Variants in PRKDC observed in about 807,000 individuals in gnomAD.
The protein encoded by PRKDC is protein kinase, DNA-activated, catalytic subunit, also known as DNA-dependent protein kinase catalytic subunit.
A neutral mutation model predicts 486.9 loss-of-function variants in PRKDC; 82 were observed. That is an observed-to-expected ratio of 0.17 (90% CI 0.14 to 0.20). The LOEUF is 0.20. Ranked by LOEUF, PRKDC falls within the 10% of genes least tolerant of loss-of-function variation. The pLI, the probability that PRKDC is intolerant of heterozygous loss-of-function variation, is 1.00. For missense variants in PRKDC, 4,504 were observed against 5,038.2 expected, an observed-to-expected ratio of 0.89 and a Z score of 3.21; for synonymous variants, 1,895 against 1,837.0, an observed-to-expected ratio of 1.03 and a Z score of -0.81.
At chr8:47,943,715 G>T in intron 9 of PRKDC, 138 bp downstream of exon 9, 1 of 807,820 alleles carries the variant, frequency 1.2e-6, no homozygotes, top group Non-Finnish European at 1.9e-6. Flanking sequence ...GTCACCGAAA[G>T]CCTCCCTGTA....
chr8:47,904,895 T>C lies in PRKDC; in HGVS notation c.3016A>G (p.Thr1006Ala). 1.9e-6 allele frequency: 3 copies of C among 1,612,070 alleles called. No individual in the cohort carries two copies. Among genetic ancestry groups the C allele is most frequent in the Non-Finnish European group, 2.5e-6 (3 of 1,178,256 alleles). ...AATATAGCTTCTAGTAAGGCAACAGTATCCTGACTTTCAAATTTCTTGTTG... is the reference window on the plus strand; with the variant it reads ...AATATAGCTTCTAGTAAGGCAACAGCATCCTGACTTTCAAATTTCTTGTTG... ...TNNKKFESQD[T>A]VALLEAILDG... The change falls in exon 26 of 86, where the codon ACT becomes GCT. Residue 1006 changes from threonine (T) to alanine (A), a missense_variant. By Grantham distance (58) the Thr-to-Ala change is moderately conservative. Around this residue, in one of 6 missense-constraint regions of PRKDC, gnomAD observed 1,969 missense variants for 2,068.9 expected, o/e 0.95. Transcript: ENST00000314191.
At chr8:47,939,496 C>A (rs2090405628) in intron 11 of PRKDC, 55 bp downstream of exon 11, 2 of 1,554,774 alleles carry the variant, frequency 1.3e-6, no homozygotes, top group South Asian at 1.1e-5. Flanking sequence ...GAATTAGATT[C>A]CTTTAAACAA....
At chr8:47,891,968 A>T (rs976260893) in intron 31 of PRKDC, among the ~76,000 whole-genome samples, 2 of 152,016 alleles carry the variant, frequency 1.3e-5, no homozygotes, top group Admixed American at 6.5e-5. Context: ...TCCGGGGTTC[A>T]AACAATTCTT....
At chr8:47,891,980 T>C (rs923483636) in intron 31 of PRKDC, among the ~76,000 whole-genome samples, 1 of 152,034 alleles carries the variant, frequency 6.6e-6, no homozygotes, top group Non-Finnish European at 1.5e-5. Flanking sequence ...ACAATTCTTG[T>C]GCCTCAGCCT....
intron 42 of PRKDC, 69 bp downstream of exon 42, chr8:47,863,330 A>G: frequency 7.8e-7 from 1 of 1,276,942 alleles, no homozygotes; most frequent in South Asian, 1.3e-5. Flanking sequence ...CACTATATAC[A>G]TACATAAAAA....
chr8:47,881,264 CT>C (rs912748065), intron 38 of PRKDC, among the ~76,000 whole-genome samples, 151 bp downstream of exon 38: 1 of 152,106 alleles, frequency 6.6e-6, no homozygotes, highest in Non-Finnish European at 1.5e-5. Flanking sequence ...GTTATCGAGA[CT>C]GGCTAATAAG....
intron 19 of PRKDC, among the ~76,000 whole-genome samples, chr8:47,928,882 C>T (rs995578518): frequency 6.6e-6 from 1 of 151,896 alleles, no homozygotes; most frequent in South Asian, 2.1e-4. Context: ...AGTAGAGACA[C>T]GGTTTCACTA....
chr8:47,881,620 A>T, intron 37 of PRKDC, 100 bp from the exon 38 acceptor site: 1 of 699,346 alleles, frequency 1.4e-6, no homozygotes, highest in Non-Finnish European at 2.3e-6. Flanking sequence ...TGAATTGTTA[A>T]TTTAATTTTG....
intron 50 of PRKDC, among the ~76,000 whole-genome samples, chr8:47,854,426 C>G (rs183432266): frequency 6.6e-6 from 1 of 152,136 alleles, no homozygotes; most frequent in Non-Finnish European, 1.5e-5. Context: ...GCAAGCTCTG[C>G]CCCCTGGGTT....
chr8:47,934,937 G>T (rs1346717232), intron 14 of PRKDC, 72 bp downstream of exon 14: 9 of 1,257,062 alleles, frequency 7.2e-6, no homozygotes, highest in Non-Finnish European at 9.9e-6. Context: ...AATTATATTC[G>T]AAAACCTCAG....
rs1406869532 is a variant in PRKDC at position 47,954,443 on chromosome 8, G to A, written c.403C>T (p.Leu135Phe). ...IPALDLLIKL[L>F]QTFRSSRLMD... Reference sequence around the variant, plus strand: ...AGTCTAGAACTTCTAAAAGTCTGAAGTAACTAAAAGAATACAAATTAGTAC... The same window carrying A: ...AGTCTAGAACTTCTAAAAGTCTGAAATAACTAAAAGAATACAAATTAGTAC... Residue 135 changes from leucine (L) to phenylalanine (F), a missense_variant, in exon 5 of 86, where the codon CTT becomes TTT. Physicochemically the swap from Leu to Phe is conservative, Grantham distance 22. Coordinates refer to ENST00000314191, the MANE Select transcript of PRKDC (RefSeq NM_006904.7). The A allele has an allele frequency of 3.2e-6, 4 of 1,239,440 alleles. No individual in the cohort carries two copies. The highest frequency in any genetic ancestry group is 1.7e-5 in the South Asian group (1 of 57,824). 76.8% of individuals were successfully genotyped at this position (1,239,440 alleles called of 1,614,324 possible).
At chr8:47,950,064 G>C (rs1476862815) in intron 7 of PRKDC, among the ~76,000 whole-genome samples, 1 of 151,932 alleles carries the variant, frequency 6.6e-6, no homozygotes, top group Non-Finnish European at 1.5e-5. Flanking sequence ...CTGAGGTCAG[G>C]AGTTGGAGAC....
intron 68 of PRKDC, among the ~76,000 whole-genome samples, chr8:47,811,059 A>T (rs1345935579): frequency 6.6e-6 from 1 of 152,248 alleles, no homozygotes; most frequent in Non-Finnish European, 1.5e-5. Context: ...GGTGACAAAA[A>T]GGTACAGATT....
At chr8:47,896,788 A>G (rs1394606358) in intron 30 of PRKDC, among the ~76,000 whole-genome samples, 2 of 152,230 alleles carry the variant, frequency 1.3e-5, no homozygotes, top group African/African-American at 2.4e-5. Context: ...TCCTGAGCAC[A>G]GCTTCCCCAC....
intron 25 of PRKDC, among the ~76,000 whole-genome samples, chr8:47,908,702 C>A (rs953714070): frequency 1.3e-5 from 2 of 152,162 alleles, no homozygotes; most frequent in African/African-American, 4.8e-5. Context: ...AGGGAACAAG[C>A]AGGTGAAAGG....
chr8:47,873,308 G>A (rs1040255963), intron 40 of PRKDC, among the ~76,000 whole-genome samples: 7 of 151,600 alleles, frequency 4.6e-5, no homozygotes, highest in African/African-American at 7.3e-5. Flanking sequence ...AGGCCAAAGC[G>A]GGTGGATCAC....
chr8:47,837,266 G>A lies in PRKDC; in HGVS notation c.7707C>T (p.Ser2569=). The change falls in exon 57 of 86, where the codon AGC becomes AGT. Residue 2569 remains serine, a synonymous_variant. Coordinates refer to ENST00000314191, the MANE Select transcript of PRKDC (RefSeq NM_006904.7). ...TNFLLEMTSM[S]PDYPNPMFEH... ...CGAACATGGGGTTTGGATAATCTGGGCTCATGCTGGTCATTTCGAGCAGAA... is the reference window on the plus strand; with the variant it reads ...CGAACATGGGGTTTGGATAATCTGGACTCATGCTGGTCATTTCGAGCAGAA... The A allele has an allele frequency of 1.2e-6, 2 of 1,613,878 alleles. No homozygotes were observed. The highest frequency in any genetic ancestry group is 8.5e-7 in the Non-Finnish European group (1 of 1,179,862).
chr8:47,953,774 T>A (rs755775259), intron 6 of PRKDC, 33 bp downstream of exon 6: 26 of 1,577,800 alleles, frequency 1.6e-5, no homozygotes, highest in Non-Finnish European at 2.2e-5. Flanking sequence ...CAACCACATC[T>A]ATGGAAGCAG....
intron 4 of PRKDC, among the ~76,000 whole-genome samples, chr8:47,955,238 G>A (rs1383242202): frequency 4.0e-5 from 6 of 151,176 alleles, no homozygotes; most frequent in East Asian, 1.9e-4. Flanking sequence ...CGAGGCGGGC[G>A]GATCACGAGG....
Sources: gnomAD v4.1 joint callset for allele counts (sites outside exome capture counted in the v4.1 genomes callset) on GRCh38, gnomAD v4.1.1 for gene constraint, gnomAD v4.1.1 regional missense constraint, MANE v1.5 for transcripts, NCBI Gene and HGNC (gene_info 2026-07-23, HGNC 2026-07-21) for gene names.